PLA2G4A: variants seen among roughly 807,000 people sequenced by gnomAD.
PLA2G4A encodes cytosolic phospholipase A2.
PLA2G4A carries 40 observed loss-of-function variants against 81.9 expected under a neutral mutation model. The observed-to-expected ratio is 0.49, with a 90% CI of 0.38 to 0.64. The LOEUF (loss-of-function observed/expected upper bound fraction) is 0.64, where lower values mean the gene tolerates loss of function less well. Among genes scored for constraint, PLA2G4A ranks in the 30% least tolerant of loss-of-function variants. PLA2G4A has a pLI of 0.00. For missense variants in PLA2G4A, 715 were observed against 905.1 expected (o/e 0.79, Z 2.69); for synonymous variants, 302 against 296.9 (o/e 1.02, Z -0.18).
chr1:186,832,226 A>G (rs1651618673), intron 1 of PLA2G4A, among the ~76,000 whole-genome samples: 1 of 151,984 alleles, frequency 6.6e-6, no homozygotes, highest in South Asian at 2.1e-4. Context: ...TTCATCTAGG[A>G]CCTTTTTTAT....
chr1:186,894,053 A>T (rs767074072), intron 4 of PLA2G4A, 45 bp from the exon 5 acceptor site: 1 of 810,910 alleles, frequency 1.2e-6, no homozygotes, highest in Non-Finnish European at 2.2e-6. Flanking sequence ...ATTTCCAAAG[A>T]TCCATGGGAA....
intron 12 of PLA2G4A, among the ~76,000 whole-genome samples, chr1:186,948,954 A>G (rs764464876): frequency 1.3e-5 from 2 of 152,172 alleles, no homozygotes; most frequent in Non-Finnish European, 1.5e-5. Context: ...ACTGAAGTCT[A>G]TCTCCTAAAG....
chr1:186,966,707 CA>C (rs1213041726), intron 15 of PLA2G4A, among the ~76,000 whole-genome samples: 3 of 152,120 alleles, frequency 2.0e-5, no homozygotes, highest in Non-Finnish European at 2.9e-5. Context: ...CTGGAATACT[CA>C]AAACATTCTT....
At chr1:186,942,210 C>T (rs566073893) in intron 10 of PLA2G4A, among the ~76,000 whole-genome samples, 1 of 152,208 alleles carries the variant, frequency 6.6e-6, no homozygotes, top group African/African-American at 2.4e-5. Context: ...GACTTTATTA[C>T]ATAGAAAAGT....
chr1:186,923,347 G>A (rs552159922), intron 7 of PLA2G4A, among the ~76,000 whole-genome samples: 3 of 152,098 alleles, frequency 2.0e-5, no homozygotes, highest in East Asian at 1.9e-4. Flanking sequence ...AAAACTTTTC[G>A]GTAGCAATTC....
intron 1 of PLA2G4A, among the ~76,000 whole-genome samples, chr1:186,848,595 A>G (rs148852808): frequency 6.6e-6 from 1 of 152,082 alleles, no homozygotes; most frequent in Admixed American, 6.6e-5. Context: ...CTGAGATTTC[A>G]TCAGGGTAGA....
At chr1:186,934,441 C>CATATATATATATATAT (rs1209342571) in intron 8 of PLA2G4A, among the ~76,000 whole-genome samples, 1 of 4,020 alleles carries the variant, frequency 2.5e-4, no homozygotes, top group South Asian at 0.015. Context: ...TTTAAATGTG[C>CATATATATATATATAT]ACATATATAT....
At chr1:186,900,295 C>T (rs1046898616) in intron 5 of PLA2G4A, among the ~76,000 whole-genome samples, 2 of 152,142 alleles carry the variant, frequency 1.3e-5, no homozygotes, top group African/African-American at 4.8e-5. Flanking sequence ...GTACCTACCT[C>T]TTAGGTTGTG....
intron 2 of PLA2G4A, among the ~76,000 whole-genome samples, chr1:186,860,344 T>G (rs1191746556): frequency 6.6e-6 from 1 of 152,150 alleles, no homozygotes; most frequent in Non-Finnish European, 1.5e-5. Flanking sequence ...TATTTTGGTC[T>G]TAGTCTGAAG....
At chr1:186,873,583 G>C (rs115141966) in intron 3 of PLA2G4A, among the ~76,000 whole-genome samples, 1 of 152,120 alleles carries the variant, frequency 6.6e-6, no homozygotes, top group East Asian at 1.9e-4. Context: ...AAATCAACTA[G>C]TTAATTCTTG....
At chr1:186,854,559 A>G (rs1652485760) in intron 2 of PLA2G4A, among the ~76,000 whole-genome samples, 172 bp downstream of exon 2, 1 of 151,932 alleles carries the variant, frequency 6.6e-6, no homozygotes, top group Non-Finnish European at 1.5e-5. Flanking sequence ...AAAATAATTT[A>G]TCTCTTCATT....
At chr1:186,949,404 G>GAAAAAGA in intron 12 of PLA2G4A, among the ~76,000 whole-genome samples, 1 of 147,156 alleles carries the variant, frequency 6.8e-6, no homozygotes, top group South Asian at 2.2e-4. Context: ...GAAAAAGAAA[G>GAAAAAGA]AAGAAAGAAA....
chr1:186,977,224 C>A (rs934551139), intron 15 of PLA2G4A, among the ~76,000 whole-genome samples: 1 of 152,188 alleles, frequency 6.6e-6, no homozygotes, highest in Non-Finnish European at 1.5e-5. Context: ...TTCTTCTCTG[C>A]ATCATCAGAT....
intron 5 of PLA2G4A, 83 bp from the exon 6 acceptor site, chr1:186,906,882 T>C (rs1654756471): frequency 1.3e-6 from 1 of 744,484 alleles, no homozygotes; most frequent in Non-Finnish European, 2.4e-6. Flanking sequence ...AATCTGGCAC[T>C]CAAAATTTAT....
chr1:186,877,034 G>C (rs910935101), intron 3 of PLA2G4A, among the ~76,000 whole-genome samples: 2 of 151,994 alleles, frequency 1.3e-5, no homozygotes, highest in South Asian at 2.1e-4. Context: ...TGAGAAGCAG[G>C]GTGTTGGATA....
chr1:186,917,514 CA>C (rs1483580729), intron 7 of PLA2G4A, among the ~76,000 whole-genome samples: 2 of 152,162 alleles, frequency 1.3e-5, no homozygotes, highest in Non-Finnish European at 2.9e-5. Flanking sequence ...TCATTCGCTC[CA>C]CCTTTCCGGA....
At chr1:186,967,475 T>C (rs971040596) in intron 15 of PLA2G4A, among the ~76,000 whole-genome samples, 4 of 152,150 alleles carry the variant, frequency 2.6e-5, no homozygotes, top group African/African-American at 9.6e-5. Context: ...CTTTTCTGTG[T>C]AGTGTGCTGT....
intron 1 of PLA2G4A, among the ~76,000 whole-genome samples, chr1:186,842,957 G>T (rs1652042069): frequency 6.6e-6 from 1 of 152,130 alleles, no homozygotes; most frequent in Non-Finnish European, 1.5e-5. Flanking sequence ...CTGTGCTTCA[G>T]GGTCTTTTGT....
intron 17 of PLA2G4A, among the ~76,000 whole-genome samples, chr1:186,980,672 C>T (rs768172841): frequency 1.1e-4 from 17 of 152,250 alleles, no homozygotes; most frequent in Non-Finnish European, 2.2e-4. Flanking sequence ...GAACTCCACA[C>T]ATCTAGTTTG....
Sources: gnomAD v4.1 joint callset for allele counts (sites outside exome capture counted in the v4.1 genomes callset) on GRCh38, gnomAD v4.1.1 for gene constraint, MANE v1.5 for transcripts, NCBI Gene and HGNC (gene_info 2026-07-23, HGNC 2026-07-21) for gene names.